The following DPH6 variants were observed in gnomAD, a reference collection of about 807,000 sequenced individuals.
DPH6 encodes the protein diphthine--ammonia ligase.
DPH6 carries 33 observed loss-of-function variants against 38.2 expected under a neutral mutation model. The observed-to-expected ratio is 0.86, with a 90% CI of 0.65 to 1.15. DPH6 has a LOEUF of 1.15. Ranked by LOEUF, DPH6 falls within the 50% of genes most tolerant of loss-of-function variation. The pLI is 0.00. For missense variants in DPH6, 325 were observed against 320.0 expected, an observed-to-expected ratio of 1.02 and a Z score of -0.12; for synonymous variants, 108 against 103.0, an observed-to-expected ratio of 1.05 and a Z score of -0.30.
chr15:35,171,951 T>C, the DPH6 span, among the ~76,000 whole-genome samples: 3,711 of 152,222 alleles, frequency 0.024, 147 homozygotes, highest in African/African-American at 0.079. Context: ...CACTGCAACC[T>C]CTGGCTCCCA....
chr15:35,468,718 T>TGATG (rs2054159469), intron 3 of DPH6, among the ~76,000 whole-genome samples: 1 of 151,930 alleles, frequency 6.6e-6, no homozygotes, highest in Non-Finnish European at 1.5e-5. Context: ...CTGGTAAGAA[T>TGATG]GATGGGAAGT....
At chr15:35,484,263 A>T (rs1009525284) in intron 3 of DPH6, among the ~76,000 whole-genome samples, 2 of 152,232 alleles carry the variant, frequency 1.3e-5, no homozygotes, top group African/African-American at 4.8e-5. Flanking sequence ...GTATATTAGC[A>T]ACCTATTGCT....
At chr15:35,458,457 A>ACAAACTT (rs147646441) in intron 3 of DPH6, among the ~76,000 whole-genome samples, 7,434 of 152,198 alleles carry the variant, frequency 0.049, 609 homozygotes, top group African/African-American at 0.17. Flanking sequence ...GAACGCAACT[A>ACAAACTT]CAAATAAAGG....
At chr15:35,510,971 A>C (rs543313802) in intron 3 of DPH6, among the ~76,000 whole-genome samples, 79 of 152,304 alleles carry the variant, frequency 5.2e-4, no homozygotes, top group African/African-American at 1.7e-3. Context: ...TGAATCCCAA[A>C]TATTCCTGTT....
At chr15:35,214,732 C>T (rs754414777), downstream of DPH6, among the ~76,000 whole-genome samples, 4 of 152,118 alleles carry the variant, frequency 2.6e-5, no homozygotes, top group African/African-American at 7.2e-5. Context: ...CTCAGACTAC[C>T]GAGTAGCTGG....
At chr15:35,215,052 A>G (rs2051404406), downstream of DPH6, among the ~76,000 whole-genome samples, 6 of 152,344 alleles carry the variant, frequency 3.9e-5, no homozygotes, top group South Asian at 1.0e-3. Flanking sequence ...GTGAATTATC[A>G]TAACACCATC....
chr15:35,146,336 A>C, the DPH6 span, among the ~76,000 whole-genome samples: 1,137 of 152,186 alleles, frequency 7.5e-3, 5 homozygotes, highest in Admixed American at 0.015. Flanking sequence ...CAAAACCTAA[A>C]ACTGTCAAGA....
In DPH6 at chr15:35,520,752, T is replaced by C. The variant is rs1441839111; in HGVS notation, c.312+17522A>G. The C allele has an allele frequency of 5.1e-6, 5 of 984,616 alleles. No homozygotes were observed. In the African/African-American group the frequency reaches 5.3e-5, roughly 10 times the overall value. The allele number at this position is 984,616 out of a possible 1,614,324, so 61.0% of individuals were successfully genotyped here. Reference sequence around the variant, plus strand: ...TAATATGATCAAACCAAGTAGAATATGTACAATGAAAAAAAAATCCTCCAT... The same window carrying C: ...TAATATGATCAAACCAAGTAGAATACGTACAATGAAAAAAAAATCCTCCAT... On this transcript the variant is annotated intron_variant, in intron 3 of 8. Transcript: ENST00000256538.
chr15:35,167,877 T>C, the DPH6 span, among the ~76,000 whole-genome samples: 1 of 152,096 alleles, frequency 6.6e-6, no homozygotes, highest in African/African-American at 2.4e-5. Context: ...CTGCCAAGTG[T>C]AATGATGCTC....
chr15:35,389,721 G>A (rs1208068232), intron 6 of DPH6, among the ~76,000 whole-genome samples: 1 of 151,746 alleles, frequency 6.6e-6, no homozygotes, highest in Non-Finnish European at 1.5e-5. Context: ...CCTTTATTTT[G>A]AGCCTGTGTG....
downstream of DPH6, among the ~76,000 whole-genome samples, chr15:35,328,055 C>A (rs953534099): frequency 2.0e-5 from 3 of 152,156 alleles, no homozygotes; most frequent in East Asian, 5.8e-4. Context: ...CTCATCTTCA[C>A]TGCAACATGA....
chr15:35,511,312 A>G (rs940668816), intron 3 of DPH6, among the ~76,000 whole-genome samples: 2 of 152,110 alleles, frequency 1.3e-5, no homozygotes, highest in Non-Finnish European at 1.5e-5. Flanking sequence ...TGAAGGAGGG[A>G]AAAAAAGAGA....
At chr15:35,246,742 T>A (rs1371153523) in intron 3 of DPH6, among the ~76,000 whole-genome samples, 2 of 152,200 alleles carry the variant, frequency 1.3e-5, no homozygotes, top group African/African-American at 4.8e-5. Flanking sequence ...GCACCATACC[T>A]GTGACTGTAG....
intron 3 of DPH6, chr15:35,282,800 A>G: frequency 3.0e-6 from 1 of 331,964 alleles, no homozygotes; most frequent in Non-Finnish European, 6.3e-6. Context: ...GCACAGCATC[A>G]CAGCACAGGA....
intron 3 of DPH6, among the ~76,000 whole-genome samples, chr15:35,243,626 A>C (rs1390926909): frequency 2.0e-5 from 3 of 149,870 alleles, no homozygotes; most frequent in African/African-American, 7.3e-5. Flanking sequence ...CCTACTGAGC[A>C]CCTTGTGACC....
Position 35,396,099 on chromosome 15 carries a change from A to T in DPH6, c.568-14183T>A, listed in dbSNP as rs374980706. On this transcript the variant is annotated intron_variant, in intron 6 of 8. Transcript: ENST00000256538. ...ACTACTGCCAGTTACGCTACTTAAAACACACCTTTGAGAATCCCACTCTCT... is the reference window on the plus strand; with the variant it reads ...ACTACTGCCAGTTACGCTACTTAAATCACACCTTTGAGAATCCCACTCTCT... 2.0e-5 allele frequency: 3 copies of T among 152,296 alleles called. No individual in the cohort carries two copies. The East Asian group carries it at 5.8e-4, about 29-fold the overall frequency. The allele number at this position is 152,296 out of a possible 1,614,324, so 9.4% of individuals were successfully genotyped here. A position where few individuals can be genotyped will look rare whatever the true frequency, so the allele number is the denominator to read the frequency against.
chr15:35,358,761 T>C (rs1371984390), intron 3 of DPH6, among the ~76,000 whole-genome samples: 8 of 152,208 alleles, frequency 5.3e-5, no homozygotes, highest in Non-Finnish European at 1.0e-4. Context: ...CAGCCAGAGA[T>C]ACCAACACCT....
intron 3 of DPH6, among the ~76,000 whole-genome samples, chr15:35,360,264 T>C (rs968974231): frequency 6.6e-6 from 1 of 152,096 alleles, no homozygotes; most frequent in African/African-American, 2.4e-5. Context: ...GCTGGGTCTG[T>C]AGTCAGGTAC....
rs560676428 is a variant in DPH6 at position 35,288,480 on chromosome 15, AT to A, written n.201-67899del. 5.9e-5 allele frequency among the ~76,000 whole-genome samples: 9 copies of A among 152,058 alleles called. No individual in the cohort carries two copies. The East Asian group carries it at 7.7e-4, about 13-fold the overall frequency. ...GTGATATTTGAGGATGACATATCTAATTTTTTTTGAGGTACGTTTACAATGA... is the reference window on the plus strand; with the variant it reads ...GTGATATTTGAGGATGACATATCTAATTTTTTTGAGGTACGTTTACAATGA... On this transcript the variant is annotated intron_variant and non_coding_transcript_variant, in intron 3 of 3. Transcript: ENST00000560386.
Sources: gnomAD v4.1 joint callset for allele counts (sites outside exome capture counted in the v4.1 genomes callset) on GRCh38, gnomAD v4.1.1 for gene constraint, MANE v1.5 for transcripts, NCBI Gene and HGNC (gene_info 2026-07-23, HGNC 2026-07-21) for gene names.